SNUPN: variants seen among roughly 807,000 people sequenced by gnomAD.
SNUPN encodes the protein snurportin-1.
SNUPN carries 31 observed loss-of-function variants against 39.2 expected under a neutral mutation model. The ratio of observed to expected loss-of-function variants is 0.79; its 90% confidence interval spans 0.59 to 1.07. SNUPN has a LOEUF of 1.07. SNUPN is among the 50% of genes least tolerant of loss of function. SNUPN has a pLI of 0.00. For synonymous variants in SNUPN, 132 were observed against 159.0 expected, an observed-to-expected ratio of 0.83 and a Z score of 1.28; for missense variants, 382 against 434.2, an observed-to-expected ratio of 0.88 and a Z score of 1.07.
In SNUPN at chr15:75,601,099, A is replaced by G. The variant is rs373047633; in HGVS notation, c.759+39T>C. On this transcript the variant is annotated intron_variant, in intron 8 of 8. Coordinates refer to ENST00000308588, the MANE Select transcript of SNUPN (RefSeq NM_005701.4). ...GTGTAACTAAGTCTCTCTGCAGCCTATCATCATGTCAAGGCAATAAAGACA... is the reference window on the plus strand; with the variant it reads ...GTGTAACTAAGTCTCTCTGCAGCCTGTCATCATGTCAAGGCAATAAAGACA... 4 of 1,367,038 alleles carry G rather than the reference A, an allele frequency of 2.9e-6. No individual in the cohort carries two copies. In the African/African-American group the frequency reaches 5.7e-5, roughly 19 times the overall value. The allele number at this position is 1,367,038 out of a possible 1,614,324, so 84.7% of individuals were successfully genotyped here. A position where few individuals can be genotyped will look rare whatever the true frequency, so the allele number is the denominator to read the frequency against.
chr15:75,623,951 G>A (rs928624451), intron 1 of SNUPN, among the ~76,000 whole-genome samples: 3 of 135,194 alleles, frequency 2.2e-5, no homozygotes, highest in East Asian at 2.2e-4. Context: ...TTTTTGAGAC[G>A]GAGTCTCGCT....
intron 1 of SNUPN, among the ~76,000 whole-genome samples, chr15:75,624,245 G>T (rs1347664196): frequency 4.0e-5 from 6 of 151,082 alleles, no homozygotes; most frequent in Non-Finnish European, 5.9e-5. Flanking sequence ...TTTTTAAAAA[G>T]TCATTATGTT....
intron 2 of SNUPN, among the ~76,000 whole-genome samples, chr15:75,618,898 C>T (rs1893000191): frequency 6.6e-6 from 1 of 151,904 alleles, no homozygotes; most frequent in Non-Finnish European, 1.5e-5. Flanking sequence ...GTATCCATTC[C>T]ACGGAATACC....
chr15:75,622,865 T>C (rs1305424484), intron 1 of SNUPN, among the ~76,000 whole-genome samples: 1 of 152,186 alleles, frequency 6.6e-6, no homozygotes, highest in Non-Finnish European at 1.5e-5. Context: ...GTTTGCCAGG[T>C]GCAGTTGTGC....
chr15:75,616,887 G>A (rs1193063320), intron 3 of SNUPN, among the ~76,000 whole-genome samples: 1 of 152,138 alleles, frequency 6.6e-6, no homozygotes, highest in African/African-American at 2.4e-5. Context: ...GCTGGTCTGG[G>A]GTGGCTGGGC....
chr15:75,613,566 C>T (rs1187686824), intron 3 of SNUPN, among the ~76,000 whole-genome samples: 1 of 148,484 alleles, frequency 6.7e-6, no homozygotes, highest in Non-Finnish European at 1.5e-5. Context: ...TCGCTTGAAC[C>T]TGGGAGGCAG....
intron 7 of SNUPN, among the ~76,000 whole-genome samples, chr15:75,604,059 C>T (rs2075312250): frequency 6.6e-6 from 1 of 152,070 alleles, no homozygotes; most frequent in Non-Finnish European, 1.5e-5. Flanking sequence ...TCTTCCCCTT[C>T]CTCAATGCAT....
Position 75,598,188 on chromosome 15 carries a change from C to G in SNUPN, c.*170G>C. ...AATGCTACGCAATCTGGGAACCTCC[C>G]CATAACTGTTTGAGCCAGCATTTCA... is the stretch of plus-strand genomic sequence containing the variant. On this transcript the variant is annotated 3_prime_UTR_variant, in exon 9 of 9. Coordinates refer to ENST00000308588, the MANE Select transcript of SNUPN (RefSeq NM_005701.4). 1 of 598,922 alleles carries G rather than the reference C, an allele frequency of 1.7e-6. No homozygotes were observed. Among genetic ancestry groups the G allele is most frequent in the East Asian group, 2.8e-5 (1 of 36,146 alleles). 37.1% of individuals were successfully genotyped at this position (598,922 alleles called of 1,614,324 possible).
At chr15:75,609,478 C>A in intron 5 of SNUPN, 80 bp downstream of exon 5, 2 of 1,124,698 alleles carry the variant, frequency 1.8e-6, no homozygotes, top group Non-Finnish European at 2.7e-6. Context: ...CGTGAGCCAC[C>A]GCGCCCGGCC....
intron 1 of SNUPN, among the ~76,000 whole-genome samples, chr15:75,622,990 T>A (rs936311073): frequency 2.0e-5 from 3 of 151,988 alleles, no homozygotes; most frequent in African/African-American, 7.2e-5. Flanking sequence ...GAAAAAAAAA[T>A]TGTGGCTAAA....
intron 1 of SNUPN, among the ~76,000 whole-genome samples, chr15:75,623,381 C>A (rs895790414): frequency 6.6e-6 from 1 of 151,446 alleles, no homozygotes; most frequent in South Asian, 2.1e-4. Flanking sequence ...GATCTCCCGA[C>A]CTCCTGATCT....
rs760524879 is a variant in SNUPN, at chr15:75,621,002, T to C, written c.50A>G (p.Asp17Gly). ...ALASSFSVSQ[D>G]LNSTAAPHPR... is the part of the protein sequence containing the mutation. Reference sequence around the variant, plus strand: ...GTGTGGGGCAGCTGTGCTGTTCAGATCTTGAGACACAGAAAAGCTACTAGC... The same window carrying C: ...GTGTGGGGCAGCTGTGCTGTTCAGACCTTGAGACACAGAAAAGCTACTAGC... The change falls in exon 2 of 9, where the codon GAT (aspartate) becomes GGT (glycine). Residue 17 changes from aspartate (D) to glycine (G), a missense_variant. By Grantham distance (94) the Asp-to-Gly change is moderately conservative. Coordinates refer to ENST00000308588, the MANE Select transcript of SNUPN (RefSeq NM_005701.4). The C allele has an allele frequency of 6.2e-7, 1 of 1,614,124 alleles. No homozygotes were observed. Among genetic ancestry groups the C allele is most frequent in the African/African-American group, 1.3e-5 (1 of 75,048 alleles).
intron 1 of SNUPN, chr15:75,624,933 C>T (rs1335626898): frequency 3.6e-5 from 8 of 220,216 alleles, no homozygotes; most frequent in African/African-American, 4.6e-5. Flanking sequence ...CCACAACGCC[C>T]GGCTAATTTT....
intron 8 of SNUPN, among the ~76,000 whole-genome samples, chr15:75,600,398 C>T (rs2075276282): frequency 6.6e-6 from 1 of 152,116 alleles, no homozygotes. Flanking sequence ...CCTCAGCCTC[C>T]CGAGTAGCTG....
chr15:75,599,265 G>A (rs890446775), intron 8 of SNUPN, among the ~76,000 whole-genome samples: 1 of 152,102 alleles, frequency 6.6e-6, no homozygotes, highest in Non-Finnish European at 1.5e-5. Flanking sequence ...TACCCATGAC[G>A]GTGTCTGAGA....
At chr15:75,619,874 G>A (rs1012279307) in intron 2 of SNUPN, among the ~76,000 whole-genome samples, 19 of 151,786 alleles carry the variant, frequency 1.3e-4, no homozygotes, top group East Asian at 9.7e-4. Flanking sequence ...TCAGCCTCCC[G>A]AGTAGCTGGG....
intron 3 of SNUPN, among the ~76,000 whole-genome samples, chr15:75,613,247 A>G (rs1044001791): frequency 6.4e-5 from 9 of 139,718 alleles, no homozygotes; most frequent in African/African-American, 2.4e-4. Context: ...CGACAGAGCA[A>G]GACTCCATCT....
chr15:75,598,468 TGA>T lies in SNUPN; in HGVS notation c.971_972del (p.Leu324HisfsTer6), dbSNP rs2075259184. The T allele has an allele frequency of 6.2e-7, 1 of 1,613,794 alleles. No homozygotes were observed. Among genetic ancestry groups the T allele is most frequent in the Non-Finnish European group, 8.5e-7 (1 of 1,179,692 alleles). ...KSQKEGMKEK[L>X]THKASENGHY... ...TGCCCATTCTCAGAGGCCTTGTGTG[TGA>T]GTTTCTCCTTCATGCCTTCCTTCTG... On this transcript the variant is annotated frameshift_variant, in exon 9 of 9. Coordinates refer to ENST00000308588, the MANE Select transcript of SNUPN (RefSeq NM_005701.4). LOFTEE classifies it low-confidence loss of function (END_TRUNC).
intron 1 of SNUPN, chr15:75,622,619 G>T: frequency 2.3e-6 from 1 of 434,352 alleles, no homozygotes; most frequent in Non-Finnish European, 3.1e-6. Context: ...CCAGCCCTTT[G>T]GTTCTAGTGT....
Sources: gnomAD v4.1 joint callset for allele counts (sites outside exome capture counted in the v4.1 genomes callset) on GRCh38, gnomAD v4.1.1 for gene constraint, MANE v1.5 for transcripts, NCBI Gene and HGNC (gene_info 2026-07-23, HGNC 2026-07-21) for gene names.